The following MPZL1 variants were observed in gnomAD, a reference collection of about 807,000 sequenced individuals.
The protein encoded by MPZL1 is myelin protein zero like 1.
MPZL1 carries 16 observed loss-of-function variants against 29.3 expected under a neutral mutation model. That is an observed-to-expected ratio of 0.55 (90% CI 0.37 to 0.83). The LOEUF (loss-of-function observed/expected upper bound fraction) is 0.83. Among genes scored for constraint, MPZL1 ranks in the 40% least tolerant of loss-of-function variants. MPZL1 has a pLI of 0.00. For synonymous variants in MPZL1, 143 were observed against 132.0 expected (o/e 1.08, Z -0.57); for missense variants, 279 against 332.9 (o/e 0.84, Z 1.26).
At chr1:167,734,060 T>C (rs1256409956) in intron 1 of MPZL1, among the ~76,000 whole-genome samples, 1 of 151,966 alleles carries the variant, frequency 6.6e-6, no homozygotes, top group African/African-American at 2.4e-5. Context: ...ATCAAGACCA[T>C]CCTGGCTTAC....
At chr1:167,767,092 T>C (rs1366609728) in intron 2 of MPZL1, among the ~76,000 whole-genome samples, 1 of 152,198 alleles carries the variant, frequency 6.6e-6, no homozygotes, top group Non-Finnish European at 1.5e-5. Context: ...CAGTGTTTGC[T>C]CCCTTGGGGG....
At chr1:167,778,523 A>T (rs868551364) in intron 5 of MPZL1, among the ~76,000 whole-genome samples, 4,623 of 147,274 alleles carry the variant, frequency 0.031, 104 homozygotes, top group Middle Eastern at 0.097. Context: ...GAAGGAAGGA[A>T]GGATGGATGG....
chr1:167,736,958 C>CAG (rs1660389709), intron 1 of MPZL1, among the ~76,000 whole-genome samples: 1 of 152,170 alleles, frequency 6.6e-6, no homozygotes, highest in South Asian at 2.1e-4. Context: ...CTGCATAATA[C>CAG]TGCTGTTTTA....
Position 167,773,342 on chromosome 1 carries a change from G to A in MPZL1, c.579G>A (p.Arg193=). Residue 193 remains arginine (R), a synonymous_variant, in exon 4 of 6, where the codon AGG becomes AGA. Transcript: ENST00000359523. ...TGATTCTGGCTGTCCTCTATAGAAGGAAAAACTCTAAACGGGATTACACTG... is the reference window on the plus strand; with the variant it reads ...TGATTCTGGCTGTCCTCTATAGAAGAAAAAACTCTAAACGGGATTACACTG... ...ISMILAVLYR[R]KNSKRDYTGC... 1 of 1,613,932 alleles carries A rather than the reference G, an allele frequency of 6.2e-7. No homozygotes were observed.
intron 1 of MPZL1, among the ~76,000 whole-genome samples, chr1:167,725,428 G>A (rs1660123180): frequency 6.6e-6 from 1 of 151,940 alleles, no homozygotes; most frequent in African/African-American, 2.4e-5. Flanking sequence ...GGGACTACAG[G>A]CATGCACCAC....
At chr1:167,775,292 C>G (rs1187776986) in intron 4 of MPZL1, among the ~76,000 whole-genome samples, 1 of 152,192 alleles carries the variant, frequency 6.6e-6, no homozygotes, top group African/African-American at 2.4e-5. Context: ...TGTGATTCTC[C>G]CCAAACTCCT....
intron 1 of MPZL1, among the ~76,000 whole-genome samples, chr1:167,757,095 C>T (rs1190565928): frequency 6.6e-6 from 1 of 152,158 alleles, no homozygotes; most frequent in Non-Finnish European, 1.5e-5. Context: ...TACTTTGTGC[C>T]ATCCAGCCAA....
chr1:167,755,582 CTTA>C (rs1266432345), intron 1 of MPZL1, among the ~76,000 whole-genome samples: 1 of 152,188 alleles, frequency 6.6e-6, no homozygotes, highest in Non-Finnish European at 1.5e-5. Flanking sequence ...CCAAAAGTTC[CTTA>C]TTTTCATCTG....
In MPZL1 at chr1:167,760,288, C is replaced by T. The variant is rs139367132; in HGVS notation, c.92-5295C>T. ...TGTGATCTCAGCTCACTGCAAGCTC[C>T]GCCTCCCGGGTTCACGCCATTCTCC... is the stretch of plus-strand genomic sequence containing the variant. On this transcript the variant is annotated intron_variant, in intron 1 of 5. Transcript: ENST00000359523. 8.2e-3 allele frequency among the ~76,000 whole-genome samples: 1,248 copies of T among 152,178 alleles called. 16 individuals are homozygous for T. Among genetic ancestry groups the T allele is most frequent in the African/African-American group, 0.028 (1,176 of 41,514 alleles).
At chr1:167,761,304 G>A (rs911676909) in intron 1 of MPZL1, among the ~76,000 whole-genome samples, 9 of 152,180 alleles carry the variant, frequency 5.9e-5, no homozygotes, top group Admixed American at 5.2e-4. Flanking sequence ...ATTGCTGCTG[G>A]TGGTAATTCA....
chr1:167,761,140 CAGAAG>C (rs1219668526), intron 1 of MPZL1, among the ~76,000 whole-genome samples: 1 of 152,016 alleles, frequency 6.6e-6, no homozygotes, highest in African/African-American at 2.4e-5. Flanking sequence ...TCCAAGAGAA[CAGAAG>C]AGGAGAGAAA....
At chr1:167,749,059 T>C (rs367930010) in intron 1 of MPZL1, among the ~76,000 whole-genome samples, 1 of 152,204 alleles carries the variant, frequency 6.6e-6, no homozygotes, top group South Asian at 2.1e-4. Context: ...TTCACAGATT[T>C]GGTTGTTCCA....
At chr1:167,737,919 T>TTGTG (rs368141657) in intron 1 of MPZL1, among the ~76,000 whole-genome samples, 24,298 of 151,574 alleles carry the variant, frequency 0.16, 2,038 homozygotes, top group East Asian at 0.2. Flanking sequence ...TTGTGTTTTT[T>TTGTG]TGTTTGTTTG....
chr1:167,739,288 TATATATATATATATATATATAC>T (rs1177500146), intron 1 of MPZL1, among the ~76,000 whole-genome samples: 3 of 108,330 alleles, frequency 2.8e-5, no homozygotes, highest in East Asian at 2.2e-4. Context: ...TATACATATA[TATATATATATATATATATATAC>T]ACATATATAT....
At chr1:167,737,150 T>C (rs1316411481) in intron 1 of MPZL1, among the ~76,000 whole-genome samples, 2 of 152,232 alleles carry the variant, frequency 1.3e-5, no homozygotes, top group Non-Finnish European at 2.9e-5. Context: ...TCTCCCCAAA[T>C]ACAGGAACTG....
intron 5 of MPZL1, among the ~76,000 whole-genome samples, chr1:167,779,265 T>G (rs1661439742): frequency 6.6e-6 from 1 of 152,074 alleles, no homozygotes; most frequent in Non-Finnish European, 1.5e-5. Flanking sequence ...GTAAATTTAA[T>G]GAAAAACATA....
chr1:167,772,712 C>T (rs552507679), intron 3 of MPZL1, among the ~76,000 whole-genome samples: 11 of 152,232 alleles, frequency 7.2e-5, no homozygotes, highest in Non-Finnish European at 1.0e-4. Context: ...TTTATTCCTA[C>T]CGTCTGGTGC....
intron 1 of MPZL1, among the ~76,000 whole-genome samples, chr1:167,744,356 T>A (rs1660598594): frequency 6.6e-6 from 1 of 151,936 alleles, no homozygotes; most frequent in Non-Finnish European, 1.5e-5. Context: ...GTAAAACAAT[T>A]AGGAAGCATG....
At chr1:167,769,450 G>A (rs914045872) in intron 2 of MPZL1, among the ~76,000 whole-genome samples, 28 of 152,134 alleles carry the variant, frequency 1.8e-4, no homozygotes, top group African/African-American at 6.5e-4. Flanking sequence ...GTGATGCAAC[G>A]CCTCTGCCTG....
Sources: gnomAD v4.1 joint callset for allele counts (sites outside exome capture counted in the v4.1 genomes callset) on GRCh38, gnomAD v4.1.1 for gene constraint, MANE v1.5 for transcripts, NCBI Gene and HGNC (gene_info 2026-07-23, HGNC 2026-07-21) for gene names.